ACTA2: variants seen among roughly 807,000 people sequenced by gnomAD.
ACTA2 encodes the protein actin, aortic smooth muscle.
ACTA2 carries 12 observed loss-of-function variants against 39.5 expected under a neutral mutation model. The observed-to-expected ratio is 0.30, with a 90% CI of 0.19 to 0.49. The LOEUF (loss-of-function observed/expected upper bound fraction) is 0.49. ACTA2 is among the 20% of genes least tolerant of loss of function. ACTA2 has a pLI of 0.99. For missense variants in ACTA2, 236 were observed against 498.8 expected (o/e 0.47, Z 5.02); for synonymous variants, 158 against 180.6 (o/e 0.88, Z 1.00).
chr10:88,951,683 C>T (rs991485619), intron 1 of ACTA2, among the ~76,000 whole-genome samples: 3 of 152,120 alleles, frequency 2.0e-5, no homozygotes, highest in Non-Finnish European at 2.9e-5. Flanking sequence ...AAAACACGCT[C>T]GAGTGTCTGC....
intron 1 of ACTA2, among the ~76,000 whole-genome samples, chr10:88,987,611 G>A (rs1035649143): frequency 6.6e-6 from 1 of 152,200 alleles, no homozygotes; most frequent in Non-Finnish European, 1.5e-5. Flanking sequence ...GAAAGGGTTT[G>A]TGTCCCAGTG....
At chr10:88,964,082 T>G (rs888470626) in intron 1 of ACTA2, among the ~76,000 whole-genome samples, 31 of 152,184 alleles carry the variant, frequency 2.0e-4, no homozygotes, top group Middle Eastern at 3.4e-3. Context: ...ATTTGTGTAT[T>G]TTGTTATATA....
At chr10:88,960,757 G>A (rs1045057656) in intron 1 of ACTA2, among the ~76,000 whole-genome samples, 3 of 152,172 alleles carry the variant, frequency 2.0e-5, no homozygotes, top group African/African-American at 7.2e-5. Context: ...CGTTAGCAGA[G>A]TTAGTTTACG....
Position 88,990,918 on chromosome 10 carries a change from C to T in ACTA2, c.-24+21G>A, listed in dbSNP as rs558072404. The stretch of plus-strand genomic sequence containing the variant: ...CCCTCCTACCTCTGGTGAGCCCTCT[C>T]CTGCCCGGGTGGAGGCTTACCCCGT... On this transcript the variant is annotated intron_variant, in intron 1 of 4. Coordinates refer to the ACTA2 transcript ENST00000415557. This position sits in a 1 kb window ranked among gnomAD's most constrained non-coding sequence, Gnocchi z 4.9. 648 of 1,614,214 alleles carry T rather than the reference C, an allele frequency of 4.0e-4. 6 individuals carry two copies. The South Asian group carries it at 6.3e-3, about 16-fold the overall frequency.
intron 1 of ACTA2, among the ~76,000 whole-genome samples, chr10:88,987,416 A>C (rs1846934812): frequency 1.3e-5 from 2 of 152,200 alleles, no homozygotes; most frequent in African/African-American, 4.8e-5. Flanking sequence ...CAATTTCAGA[A>C]CCAAATGCAT....
At chr10:88,980,585 C>A (rs1412716325) in intron 1 of ACTA2, among the ~76,000 whole-genome samples, 1 of 152,160 alleles carries the variant, frequency 6.6e-6, no homozygotes, top group Non-Finnish European at 1.5e-5. Flanking sequence ...TCCCTGAGGC[C>A]TAACACAGTC....
intron 1 of ACTA2, among the ~76,000 whole-genome samples, chr10:88,988,431 TGTTTTG>T (rs773790874): frequency 0.15 from 16,021 of 107,028 alleles, 2,376 homozygotes; most frequent in African/African-American, 0.42. Context: ...TTTTTTTTTT[TGTTTTG>T]TTTTTTATCT....
Position 88,990,585 on chromosome 10 carries a change from C to A in ACTA2, c.-24+354G>T. ...TCAATGGAGCCCTCCCCAACCCGGG[C>A]GTTCCCCAGCGAGGCTTCCTTCCCA... On this transcript the variant is annotated intron_variant, in intron 1 of 4. Coordinates refer to the ACTA2 transcript ENST00000415557. The surrounding 1 kb of genome is among the most constrained non-coding windows in gnomAD (Gnocchi z 4.9). The A allele has an allele frequency of 1.5e-6, 1 of 667,026 alleles. No individual in the cohort carries two copies. Among genetic ancestry groups the A allele is most frequent in the South Asian group, 1.5e-5 (1 of 66,376 alleles). The allele number at this position is 667,026 out of a possible 1,614,324, so 41.3% of individuals were successfully genotyped here.
chr10:88,981,324 C>A (rs1270508963), intron 1 of ACTA2, among the ~76,000 whole-genome samples: 1 of 151,852 alleles, frequency 6.6e-6, no homozygotes, highest in Non-Finnish European at 1.5e-5. Flanking sequence ...TTTTCCTGTG[C>A]AGTTAAACCC....
intron 1 of ACTA2, among the ~76,000 whole-genome samples, chr10:88,951,351 G>A (rs1846045893): frequency 6.6e-6 from 1 of 152,170 alleles, no homozygotes; most frequent in African/African-American, 2.4e-5. Context: ...CTGAAAATGG[G>A]AAGGTATGGT....
chr10:88,945,120 C>T (rs539863089), intron 3 of ACTA2, among the ~76,000 whole-genome samples: 38 of 152,324 alleles, frequency 2.5e-4, no homozygotes, highest in African/African-American at 7.7e-4. Context: ...TCTTCGTCCC[C>T]ACCAGAAGAT....
At chr10:88,939,767 T>C in intron 6 of ACTA2, 69 bp from the exon 7 acceptor site, 1 of 1,494,384 alleles carries the variant, frequency 6.7e-7, no homozygotes. Context: ...TCACCTGCCC[T>C]ACTGCAGTCT....
Position 88,939,711 on chromosome 10 carries a change from TACAA to T in ACTA2, c.617-17_617-14del. 6.2e-7 allele frequency: 1 copy of T among 1,613,822 alleles called. No homozygotes were observed. The highest frequency in any genetic ancestry group is 8.5e-7 in the Non-Finnish European group (1 of 1,179,864). On this transcript the variant is annotated splice_polypyrimidine_tract_variant and intron_variant, in intron 6 of 8. Coordinates refer to ENST00000224784, the MANE Select transcript of ACTA2 (RefSeq NM_001613.4). ...ATCTCACGCTCAGCTGTCAACCAGA[TACAA>T]ACATTGTGGCAAACATTAGGGTCTG...
intron 1 of ACTA2, among the ~76,000 whole-genome samples, chr10:88,962,246 T>C (rs1250427986): frequency 6.6e-6 from 1 of 152,160 alleles, no homozygotes; most frequent in Non-Finnish European, 1.5e-5. Context: ...GGCAATTAAC[T>C]AACATTTTTA....
At chr10:88,955,612 A>T (rs1846125504), upstream of ACTA2, among the ~76,000 whole-genome samples, 1 of 152,246 alleles carries the variant, frequency 6.6e-6, no homozygotes, top group African/African-American at 2.4e-5. Flanking sequence ...CTTTATGGGA[A>T]ATTTGACTGG....
chr10:88,983,170 A>G (rs966188420), intron 1 of ACTA2, among the ~76,000 whole-genome samples: 3 of 152,186 alleles, frequency 2.0e-5, no homozygotes, highest in African/African-American at 7.2e-5. Context: ...CTTTATTTCA[A>G]TCCAATTTGC....
At chr10:88,979,639 C>A (rs1846660652) in intron 1 of ACTA2, among the ~76,000 whole-genome samples, 1 of 151,748 alleles carries the variant, frequency 6.6e-6, no homozygotes, top group Admixed American at 6.6e-5. Context: ...GTCTACATAA[C>A]CTGAGAGATG....
At position 88,984,886 on chromosome 10, in the gene ACTA2, TA is replaced by T. The variant is rs1325312531; in HGVS notation, c.-24+6052del. 2.0e-5 allele frequency among the ~76,000 whole-genome samples: 3 copies of T among 152,312 alleles called. No individual in the cohort carries two copies. The East Asian group carries it at 5.8e-4, about 29-fold the overall frequency. ...CTTTTCAGTTATTTTCTGGAAAGTT[TA>T]AAAAATATGGTATTCTTCATGGAGA... On this transcript the variant is annotated intron_variant, in intron 1 of 4. Coordinates refer to the ACTA2 transcript ENST00000415557.
upstream of ACTA2, among the ~76,000 whole-genome samples, chr10:88,957,029 C>A (rs1846148683): frequency 6.6e-6 from 1 of 152,156 alleles, no homozygotes; most frequent in African/African-American, 2.4e-5. Context: ...AACACTGTTG[C>A]CCTAGGGTTT....
Sources: gnomAD v4.1 joint callset for allele counts (sites outside exome capture counted in the v4.1 genomes callset) on GRCh38, gnomAD v4.1.1 for gene constraint, Gnocchi (gnomAD v3.1) non-coding constraint, MANE v1.5 for transcripts, NCBI Gene and HGNC (gene_info 2026-07-23, HGNC 2026-07-21) for gene names.